The following CDK6 variants were observed in gnomAD, a reference collection of about 807,000 sequenced individuals.
The protein encoded by CDK6 is cyclin dependent kinase 6.
A neutral mutation model predicts 37.1 loss-of-function variants in CDK6; 6 were observed. The ratio of observed to expected loss-of-function variants is 0.16; its 90% confidence interval spans 0.09 to 0.32. The LOEUF (loss-of-function observed/expected upper bound fraction) is 0.32. Among genes scored for constraint, CDK6 ranks in the 10% least tolerant of loss-of-function variants. The probability of loss-of-function intolerance (pLI) is 1.00; values close to 1 mark genes in which losing one functional copy is unlikely to be tolerated. For missense variants in CDK6, 224 were observed against 418.9 expected (o/e 0.53, Z 4.06); for synonymous variants, 160 against 161.3 (o/e 0.99, Z 0.06).
intron 3 of CDK6, among the ~76,000 whole-genome samples, chr7:92,761,691 G>T (rs1414261260): frequency 6.6e-6 from 1 of 152,144 alleles, no homozygotes; most frequent in Non-Finnish European, 1.5e-5. Flanking sequence ...TCAATAACAT[G>T]AACCATATGT....
intron 3 of CDK6, among the ~76,000 whole-genome samples, chr7:92,746,386 G>T (rs1266547762): frequency 6.6e-6 from 1 of 152,070 alleles, no homozygotes; most frequent in Non-Finnish European, 1.5e-5. Flanking sequence ...AATCCAAAAT[G>T]CTCCAAAATC....
chr7:92,738,067 T>G (rs1798828987), intron 3 of CDK6, among the ~76,000 whole-genome samples: 1 of 152,198 alleles, frequency 6.6e-6, no homozygotes, highest in Non-Finnish European at 1.5e-5. Context: ...TTTGTGTTGT[T>G]GCAAGGACTG....
intron 4 of CDK6, among the ~76,000 whole-genome samples, chr7:92,685,961 T>A (rs999354061): frequency 1.3e-5 from 2 of 152,188 alleles, no homozygotes; most frequent in Non-Finnish European, 2.9e-5. Context: ...ATAAAGCCAC[T>A]CTCCTTTGTT....
Position 92,713,691 on chromosome 7 carries a change from A to G in CDK6, c.537+11935T>C, listed in dbSNP as rs376758259. Among the ~76,000 whole-genome samples, 27 of 151,392 alleles carry G rather than the reference A, an allele frequency of 1.8e-4. 1 individual carries two copies. The East Asian group carries it at 2.7e-3, about 15-fold the overall frequency. On this transcript the variant is annotated intron_variant, in intron 4 of 7. Transcript: ENST00000424848. ...GTAAAAAAAAAAAAAAAAAAAAAGA[A>G]CTAGTATCACTGAGATCTTGTGCAC...
chr7:92,776,213 T>C (rs575532906), intron 2 of CDK6, among the ~76,000 whole-genome samples: 1 of 152,316 alleles, frequency 6.6e-6, no homozygotes, highest in Admixed American at 6.5e-5. Context: ...TCCAGCTTCA[T>C]CCATGTCCCT....
rs1321509675 is a variant in CDK6 at position 92,607,516 on chromosome 7, T to C, written c.*7624A>G. ...TCTATATATTCAAATCTACTAATCA[T>C]GTTACAAATGCATGCAGCTTATTTG... On this transcript the variant is annotated 3_prime_UTR_variant, in exon 8 of 8. Coordinates refer to ENST00000424848, the MANE Select transcript of CDK6 (RefSeq NM_001145306.2). 1 of 232,822 alleles carries C rather than the reference T, an allele frequency of 4.3e-6. No individual in the cohort carries two copies. Among genetic ancestry groups the C allele is most frequent in the Non-Finnish European group, 8.5e-6 (1 of 117,902 alleles). The allele number at this position is 232,822 out of a possible 1,614,324, so 14.4% of individuals were successfully genotyped here.
chr7:92,801,461 A>C (rs946845837), intron 2 of CDK6, among the ~76,000 whole-genome samples: 7 of 152,120 alleles, frequency 4.6e-5, no homozygotes, highest in Non-Finnish European at 8.8e-5. Flanking sequence ...AGAGGTCATC[A>C]AGCCTTAGCC....
At chr7:92,746,057 C>T (rs191340563) in intron 3 of CDK6, among the ~76,000 whole-genome samples, 334 of 152,186 alleles carry the variant, frequency 2.2e-3, no homozygotes, top group Non-Finnish European at 2.6e-3. Flanking sequence ...AATGGCTTTC[C>T]CCCAACTCAA....
At chr7:92,814,807 T>C (rs1800984246) in intron 2 of CDK6, among the ~76,000 whole-genome samples, 1 of 152,010 alleles carries the variant, frequency 6.6e-6, no homozygotes, top group South Asian at 2.1e-4. Context: ...GAGATAGTAG[T>C]CTCCAAAGTG....
intron 3 of CDK6, among the ~76,000 whole-genome samples, chr7:92,731,209 T>C (rs1422444039): frequency 6.6e-6 from 1 of 152,196 alleles, no homozygotes; most frequent in African/African-American, 2.4e-5. Flanking sequence ...CAATGAACAA[T>C]GAGCTTCAAA....
In CDK6 at chr7:92,613,219, GT is replaced by G; in HGVS notation, c.*1920del. On this transcript the variant is annotated 3_prime_UTR_variant, in exon 8 of 8. Coordinates refer to ENST00000424848, the MANE Select transcript of CDK6 (RefSeq NM_001145306.2). ...AGCTCTTCAGGAGAAACATCTCCTA[GT>G]TTTTTCTCTTGTTCAAGATAGTCAT... is the stretch of plus-strand genomic sequence containing the variant. 1 of 233,228 alleles carries G rather than the reference GT, an allele frequency of 4.3e-6. No homozygotes were observed. The highest frequency in any genetic ancestry group is 8.5e-6 in the Non-Finnish European group (1 of 118,034). The allele number at this position is 233,228 out of a possible 1,614,324, so 14.4% of individuals were successfully genotyped here.
intron 2 of CDK6, among the ~76,000 whole-genome samples, chr7:92,830,778 G>A (rs1462477798): frequency 6.6e-6 from 1 of 152,170 alleles, no homozygotes; most frequent in Non-Finnish European, 1.5e-5. Context: ...ATTTCCTCAA[G>A]TATCACTGAA....
chr7:92,746,288 G>A (rs183100140), intron 3 of CDK6, among the ~76,000 whole-genome samples: 1 of 152,214 alleles, frequency 6.6e-6, no homozygotes, highest in Non-Finnish European at 1.5e-5. Flanking sequence ...CTCAGTCGCT[G>A]AACATATGTA....
intron 5 of CDK6, among the ~76,000 whole-genome samples, chr7:92,640,311 T>G (rs944479075): frequency 6.6e-6 from 1 of 152,248 alleles, no homozygotes; most frequent in Non-Finnish European, 1.5e-5. Context: ...TGTTCAATGC[T>G]AGCCTATCAT....
Position 92,826,288 on chromosome 7 carries a change from T to C in CDK6, c.233+6803A>G, listed in dbSNP as rs940737385. Among the ~76,000 whole-genome samples, 12 of 152,206 alleles carry C rather than the reference T, an allele frequency of 7.9e-5. No homozygotes were observed. In the South Asian group the frequency reaches 8.3e-4, roughly 11 times the overall value. On this transcript the variant is annotated intron_variant, in intron 2 of 7. Transcript: ENST00000424848. ...TGTCATGGGAGTTAACATTCCATCT[T>C]ACATAACAGAAATAATATAAGGGGA... is the stretch of plus-strand genomic sequence containing the variant.
chr7:92,818,045 G>A (rs948276739), intron 2 of CDK6, among the ~76,000 whole-genome samples: 1 of 151,874 alleles, frequency 6.6e-6, no homozygotes, highest in African/African-American at 2.4e-5. Context: ...CTATGCCTTC[G>A]CCCTAATTAA....
chr7:92,785,178 C>T (rs1305509623), intron 2 of CDK6, among the ~76,000 whole-genome samples: 1 of 152,098 alleles, frequency 6.6e-6, no homozygotes, highest in Non-Finnish European at 1.5e-5. Flanking sequence ...GTGGTATATC[C>T]ATACAATGGA....
At chr7:92,661,033 C>A (rs1796822819) in intron 5 of CDK6, among the ~76,000 whole-genome samples, 1 of 152,126 alleles carries the variant, frequency 6.6e-6, no homozygotes, top group South Asian at 2.1e-4. Flanking sequence ...GGCAGAGGCA[C>A]CCAGAAGTGT....
chr7:92,684,041 T>C (rs1283995051), intron 4 of CDK6, among the ~76,000 whole-genome samples: 1 of 152,200 alleles, frequency 6.6e-6, no homozygotes, highest in Non-Finnish European at 1.5e-5. Context: ...AAGGAAACAT[T>C]TGTAAAGCAC....
Sources: allele counts gnomAD v4.1 joint callset (sites outside exome capture counted in the v4.1 genomes callset), GRCh38; gene constraint gnomAD v4.1.1; transcripts MANE v1.5; gene names NCBI Gene and HGNC (gene_info 2026-07-23, HGNC 2026-07-21).